The following RIC3 variants were observed in gnomAD, a reference collection of about 807,000 sequenced individuals.
The protein encoded by RIC3 is protein RIC-3.
A neutral mutation model predicts 27.3 loss-of-function variants in RIC3; 28 were observed. The observed-to-expected ratio is 1.02, with a 90% CI of 0.76 to 1.41. RIC3 has a LOEUF of 1.41. RIC3 is among the 40% of genes most tolerant of loss of function. RIC3 has a pLI of 0.00. For synonymous variants in RIC3, 184 were observed against 160.4 expected, an observed-to-expected ratio of 1.15 and a Z score of -1.11; for missense variants, 501 against 444.7, an observed-to-expected ratio of 1.13 and a Z score of -1.14.
At position 8,111,131 on chromosome 11, in the gene RIC3, G is replaced by C. The variant is rs1590056568; in HGVS notation, c.677C>G (p.Pro226Arg). Residue 226 changes from proline (P) to arginine (R), a missense_variant, in exon 6 of 6, where the codon CCT (proline) becomes CGT (arginine). Transcript: ENST00000309737. ...APYMEDWEGY[P>R]EETYPIYDLS... is the part of the protein sequence containing the mutation. ...GTCATAAATTGGGTAAGTCTCTTCA[G>C]GGTAACCTAGAGAGAAAAGTAGCAC... 6.3e-7 allele frequency: 1 copy of C among 1,589,800 alleles called. No homozygotes were observed. Among genetic ancestry groups the C allele is most frequent in the East Asian group, 2.3e-5 (1 of 44,440 alleles).
At position 8,132,080 on chromosome 11, in the gene RIC3, G is replaced by A. The variant is rs142479169; in HGVS notation, c.522-5273C>T. 6.5e-3 allele frequency among the ~76,000 whole-genome samples: 983 copies of A among 152,188 alleles called. 22 individuals carry two copies. The highest frequency in any genetic ancestry group is 0.051 in the Admixed American group (784 of 15,274). ...ACATACATAGTTGACATGCCTGCCA[G>A]GGCCCTTTGCTGCCAGAGGTTGCAC... is the stretch of plus-strand genomic sequence containing the variant. On this transcript the variant is annotated intron_variant, in intron 4 of 5. Coordinates refer to ENST00000309737, the MANE Select transcript of RIC3 (RefSeq NM_001206671.4).
intron 4 of RIC3, among the ~76,000 whole-genome samples, chr11:8,128,650 T>C (rs1590163956): frequency 6.6e-6 from 1 of 152,156 alleles, no homozygotes; most frequent in Middle Eastern, 3.4e-3. Flanking sequence ...AATAATTACG[T>C]GTTAGTTTGA....
At chr11:8,094,144 G>A in the RIC3 span, 282 of 1,613,954 alleles carry the variant, frequency 1.7e-4, no homozygotes, top group Non-Finnish European at 2.3e-4. Flanking sequence ...TACAGCAGGG[G>A]GCCAGGGTGG....
At chr11:8,152,921 T>C (rs1430171156) in intron 1 of RIC3, among the ~76,000 whole-genome samples, 2 of 152,114 alleles carry the variant, frequency 1.3e-5, no homozygotes, top group African/African-American at 2.4e-5. Context: ...TGTCTTTATA[T>C]AGAGTTGATG....
rs554397404 is a variant in RIC3 at position 8,110,769 on chromosome 11, A to G, written c.1039T>C (p.Leu347=). Residue 347 remains leucine, a synonymous_variant, in exon 6 of 6, where the codon TTG becomes CTG. Coordinates refer to ENST00000309737, the MANE Select transcript of RIC3 (RefSeq NM_001206671.4). ...TATGCTTTATCGGTGCTGATGCCCA[A>G]CCCTTCATCTTTAAAGTCTTGGGAC... The part of the protein sequence containing the change: ...EWSQDFKDEG[L]GISTDKAYTG... 5.6e-5 allele frequency: 91 copies of G among 1,614,144 alleles called. No homozygotes were observed. Among genetic ancestry groups the G allele is most frequent in the Middle Eastern group, 4.9e-4 (3 of 6,062 alleles).
chr11:8,165,955 A>C (rs1264109869), intron 1 of RIC3, among the ~76,000 whole-genome samples: 1 of 151,918 alleles, frequency 6.6e-6, no homozygotes, highest in African/African-American at 2.4e-5. Context: ...ATTGAAAAAA[A>C]ACAAACTTAT....
chr11:8,132,661 C>T (rs562007672), intron 4 of RIC3, among the ~76,000 whole-genome samples: 18 of 152,266 alleles, frequency 1.2e-4, no homozygotes, highest in African/African-American at 4.3e-4. Flanking sequence ...TCTGTTCTTA[C>T]TTAAGCATTA....
intron 5 of RIC3, among the ~76,000 whole-genome samples, chr11:8,117,363 C>T (rs1424185234): frequency 6.6e-6 from 1 of 152,228 alleles, no homozygotes; most frequent in African/African-American, 2.4e-5. Flanking sequence ...CCATACCTGG[C>T]CTACTGAGCT....
At chr11:8,157,925 C>T (rs1362351900) in intron 1 of RIC3, among the ~76,000 whole-genome samples, 2 of 152,084 alleles carry the variant, frequency 1.3e-5, no homozygotes, top group East Asian at 3.9e-4. Context: ...TGTTCATTTC[C>T]ATAATACATG....
intron 1 of RIC3, among the ~76,000 whole-genome samples, chr11:8,143,022 G>C (rs1463046393): frequency 1.9e-5 from 2 of 106,810 alleles, no homozygotes; most frequent in African/African-American, 5.5e-5. Flanking sequence ...TTGATGGGAC[G>C]TATTTCAAAA....
At chr11:8,141,163 T>C (rs1383655047) in intron 1 of RIC3, among the ~76,000 whole-genome samples, 3 of 148,060 alleles carry the variant, frequency 2.0e-5, no homozygotes, top group African/African-American at 7.5e-5. Context: ...AATGACAGGA[T>C]CAAATTCACA....
chr11:8,138,564 G>C (rs986825808), intron 2 of RIC3: 7 of 493,608 alleles, frequency 1.4e-5, no homozygotes, highest in Admixed American at 7.6e-5. Flanking sequence ...AAGTAAAGTA[G>C]AGATTCCTCT....
intron 1 of RIC3, among the ~76,000 whole-genome samples, chr11:8,161,774 G>C (rs1305334170): frequency 6.6e-6 from 1 of 152,190 alleles, no homozygotes; most frequent in Non-Finnish European, 1.5e-5. Flanking sequence ...AGGAGGCTGA[G>C]GTGGGACAAT....
At chr11:8,127,673 T>C (rs150827193) in intron 4 of RIC3, among the ~76,000 whole-genome samples, 4 of 152,324 alleles carry the variant, frequency 2.6e-5, no homozygotes, top group African/African-American at 9.6e-5. Context: ...ACTATCTGCT[T>C]TGAGACCAGT....
the RIC3 span, among the ~76,000 whole-genome samples, chr11:8,099,333 G>A: frequency 1.3e-5 from 2 of 152,084 alleles, no homozygotes; most frequent in South Asian, 2.1e-4. Flanking sequence ...GCTCAAAAAC[G>A]ACCAAACTGG....
the RIC3 span, chr11:8,094,020 T>C: frequency 1.9e-6 from 3 of 1,614,032 alleles, no homozygotes; most frequent in Non-Finnish European, 2.5e-6. Flanking sequence ...TTTCTCTCTC[T>C]CCATCTGGGG....
At chr11:8,115,536 G>A (rs144212628) in intron 5 of RIC3, among the ~76,000 whole-genome samples, 2,131 of 152,152 alleles carry the variant, frequency 0.014, 48 homozygotes, top group African/African-American at 0.048. Flanking sequence ...GGCTAGGTGC[G>A]GTGGCTAACG....
chr11:8,103,463 AAGT>A (rs1333901844), downstream of RIC3: 1 of 152,482 alleles, frequency 6.6e-6, no homozygotes, highest in Non-Finnish European at 1.5e-5. Context: ...ACTTAAGTAG[AAGT>A]AATATGCTCT....
chr11:8,098,318 T>G, the RIC3 span, among the ~76,000 whole-genome samples: 381 of 152,032 alleles, frequency 2.5e-3, 3 homozygotes, highest in East Asian at 0.014. Flanking sequence ...GGAGCATAAA[T>G]AAAGATGAGA....
Sources: allele counts gnomAD v4.1 joint callset (sites outside exome capture counted in the v4.1 genomes callset), GRCh38; gene constraint gnomAD v4.1.1; transcripts MANE v1.5; gene names NCBI Gene and HGNC (gene_info 2026-07-23, HGNC 2026-07-21).